The following BSN variants were observed in gnomAD, a reference collection of about 807,000 sequenced individuals.
BSN encodes the protein bassoon presynaptic cytomatrix protein.
BSN carries 57 observed loss-of-function variants against 264.8 expected under a neutral mutation model. The observed-to-expected ratio is 0.22, with a 90% CI of 0.17 to 0.27. BSN has a LOEUF of 0.27. Among genes scored for constraint, BSN ranks in the 10% least tolerant of loss-of-function variants. BSN has a pLI of 1.00. For synonymous variants in BSN, 2,059 were observed against 2,137.3 expected (o/e 0.96, Z 1.01); for missense variants, 4,615 against 5,232.5 (o/e 0.88, Z 3.64).
chr3:49,653,668 G>T lies in BSN; in HGVS notation c.4112G>T (p.Gly1371Val). The change falls in exon 5 of 12, where the codon GGC becomes GTC. Residue 1371 changes from glycine (G) to valine (V), a missense_variant. By Grantham distance (109) the Gly-to-Val change is moderately radical. This residue lies in a region of BSN where 3,415 missense variants were observed against 3,866.4 expected (regional missense o/e 0.88). Transcript: ENST00000296452. The surrounding 1 kb of genome is among the most constrained non-coding windows in gnomAD (Gnocchi z 6.3). ...ASPSSASKEI[G>V]MPFSQGPGTP... ...CCCAGCTCAGCCTCCAAGGAGATAGGCATGCCCTTTTCCCAGGGCCCTGGG... is the reference window on the plus strand; with the variant it reads ...CCCAGCTCAGCCTCCAAGGAGATAGTCATGCCCTTTTCCCAGGGCCCTGGG... The T allele has an allele frequency of 6.2e-7, 1 of 1,613,718 alleles. No individual in the cohort carries two copies. The highest frequency in any genetic ancestry group is 8.5e-7 in the Non-Finnish European group (1 of 1,179,914).
chr3:49,652,294 G>A lies in BSN; in HGVS notation c.2738G>A (p.Gly913Asp), dbSNP rs1271160725. Residue 913 changes from glycine (G) to aspartate (D), a missense_variant, in exon 5 of 12, where the codon GGC (glycine) becomes GAC (aspartate). Physicochemically the swap from Gly to Asp is moderately conservative, Grantham distance 94. Coordinates refer to ENST00000296452, the MANE Select transcript of BSN (RefSeq NM_003458.4). ...TGYEELLPEGGSAEATDGSGT... is the reference protein window; with the variant it reads ...TGYEELLPEGDSAEATDGSGT... ...TATGAGGAGCTGCTCCCTGAGGGAG[G>A]CTCAGCAGAGGCTACCGATGGCAGT... The A allele has an allele frequency of 6.3e-7, 1 of 1,596,584 alleles. No homozygotes were observed. Among genetic ancestry groups the A allele is most frequent in the Non-Finnish European group, 8.5e-7 (1 of 1,170,534 alleles).
At chr3:49,573,674 T>TTTA (rs2051815955) in intron 1 of BSN, among the ~76,000 whole-genome samples, 1 of 151,384 alleles carries the variant, frequency 6.6e-6, no homozygotes, top group African/African-American at 2.4e-5. Flanking sequence ...TTTTTTTTTT[T>TTTA]GAGACGGAGT....
chr3:49,560,271 T>C (rs1351030872), intron 1 of BSN, among the ~76,000 whole-genome samples: 1 of 152,228 alleles, frequency 6.6e-6, no homozygotes, highest in Non-Finnish European at 1.5e-5. Flanking sequence ...GTGGGCTATG[T>C]GAGGGGAACC....
At chr3:49,567,567 A>G (rs2051762004) in intron 1 of BSN, among the ~76,000 whole-genome samples, 1 of 152,220 alleles carries the variant, frequency 6.6e-6, no homozygotes, top group Non-Finnish European at 1.5e-5. Context: ...TACGGAGATG[A>G]GAGACACACA....
chr3:49,650,531 C>T (rs1001017006), intron 3 of BSN, 81 bp from the exon 4 acceptor site: 48 of 1,346,484 alleles, frequency 3.6e-5, no homozygotes, highest in Non-Finnish European at 4.9e-5. Flanking sequence ...CCTAAGGTTA[C>T]AGAAATAGTT....
rs35003449 is a variant in BSN at position 49,609,089 on chromosome 3, C to CT, written c.225-15863dup. On this transcript the variant is annotated intron_variant, in intron 1 of 11. Coordinates refer to ENST00000296452, the MANE Select transcript of BSN (RefSeq NM_003458.4). ...AACCAGGTTTTGAAGGTTAAATTGA[C>CT]TTTTTTTTTTTTTTTTTTTTTTTGA... 7.0e-3 allele frequency among the ~76,000 whole-genome samples: 620 copies of CT among 88,960 alleles called. 3 individuals are homozygous for CT. The highest frequency in any genetic ancestry group is 0.013 in the African/African-American group (302 of 23,502). 58.4% of individuals were successfully genotyped at this position (88,960 alleles called of 152,430 possible).
chr3:49,656,081 A>C lies in BSN; in HGVS notation c.6525A>C (p.Thr2175=). 1.2e-6 allele frequency: 2 copies of C among 1,611,356 alleles called. No homozygotes were observed. The change falls in exon 5 of 12, where the codon ACA becomes ACC. Residue 2175 remains threonine, a synonymous_variant. Coordinates refer to ENST00000296452, the MANE Select transcript of BSN (RefSeq NM_003458.4). ...ATGGGCCTGCAGCAGGCCAAGGAAC[A>C]GCAGTCAGACAGCTGCTGCCGTCCA... ...AQYGPAAGQG[T]AVRQLLPSTA...
intron 3 of BSN, 132 bp downstream of exon 3, chr3:49,643,284 C>A: frequency 7.1e-7 from 1 of 1,415,616 alleles, no homozygotes; most frequent in Non-Finnish European, 9.3e-7. Flanking sequence ...ACTAATGCTG[C>A]AGAGGGGCTG....
chr3:49,640,670 T>A (rs942252723), intron 2 of BSN: 1 of 152,072 alleles, frequency 6.6e-6, no homozygotes. Flanking sequence ...GGCCAATTCT[T>A]ACTATTTTCA....
intron 1 of BSN, among the ~76,000 whole-genome samples, chr3:49,596,607 G>A (rs1034262522): frequency 2.3e-4 from 35 of 151,922 alleles, no homozygotes; most frequent in African/African-American, 8.2e-4. Flanking sequence ...CTCCTGCCTC[G>A]GCCTCCCAAA....
At chr3:49,561,524 G>C (rs2051711517) in intron 1 of BSN, among the ~76,000 whole-genome samples, 1 of 151,686 alleles carries the variant, frequency 6.6e-6, no homozygotes, top group African/African-American at 2.4e-5. Flanking sequence ...AGGTAACAAG[G>C]GTCACTCCCA....
At chr3:49,664,697 T>A in intron 9 of BSN, 102 bp from the exon 10 acceptor site, 1 of 1,565,270 alleles carries the variant, frequency 6.4e-7, no homozygotes, top group Non-Finnish European at 8.7e-7. Flanking sequence ...CCGGGCAATC[T>A]CTGCCCCTTG....
chr3:49,568,671 TCA>T (rs1170457170), intron 1 of BSN, among the ~76,000 whole-genome samples: 1 of 152,240 alleles, frequency 6.6e-6, no homozygotes, highest in African/African-American at 2.4e-5. Context: ...GCACTGTGCC[TCA>T]CCATGTGGAT....
In BSN at chr3:49,652,589, C is replaced by A; in HGVS notation, c.3033C>A (p.Ser1011Arg). The change falls in exon 5 of 12, where the codon AGC becomes AGA. Residue 1011 changes from serine (S) to arginine (R), a missense_variant. Physicochemically the swap from Ser to Arg is moderately radical, Grantham distance 110. Coordinates refer to ENST00000296452, the MANE Select transcript of BSN (RefSeq NM_003458.4). ...AGGAGGACAGTGACAGCAGCCCCAG[C>A]CGCAGGCAGCGTCTAGAAGAAGCAA... ...SLEEDSDSSP[S>R]RRQRLEEAKQ... 1.9e-6 allele frequency: 3 copies of A among 1,613,520 alleles called. No homozygotes were observed. Among genetic ancestry groups the A allele is most frequent in the Non-Finnish European group, 2.5e-6 (3 of 1,179,958 alleles).
chr3:49,562,816 G>A (rs73831440), intron 1 of BSN, among the ~76,000 whole-genome samples: 3,618 of 152,310 alleles, frequency 0.024, 154 homozygotes, highest in African/African-American at 0.083. Flanking sequence ...AGGGTAGGAT[G>A]ATGTGGAGGA....
intron 1 of BSN, among the ~76,000 whole-genome samples, chr3:49,593,503 A>G (rs1265998160): frequency 6.6e-6 from 1 of 152,210 alleles, no homozygotes; most frequent in African/African-American, 2.4e-5. Context: ...TGTGCCATTT[A>G]TATTTCCACC....
chr3:49,665,017 A>G (rs1485425236), intron 10 of BSN, among the ~76,000 whole-genome samples, 164 bp downstream of exon 10: 2 of 152,142 alleles, frequency 1.3e-5, no homozygotes, highest in African/African-American at 4.8e-5. Context: ...TGGGAGGAGA[A>G]AAAGGAGGGA....
Position 49,663,099 on chromosome 3 carries a change from C to T in BSN, c.10941C>T (p.His3647=), listed in dbSNP as rs150688145. The change falls in exon 7 of 12, where the codon CAC becomes CAT. Residue 3647 remains histidine (H), a synonymous_variant. Coordinates refer to ENST00000296452, the MANE Select transcript of BSN (RefSeq NM_003458.4). ...ATGCCTCAGCCAAGGAACACCGGCA[C>T]GGTGACCACGGGCGGCACTCAGGCC... is the stretch of plus-strand genomic sequence containing the variant. ...GRHASAKEHR[H]GDHGRHSGRH... 1.4e-4 allele frequency: 227 copies of T among 1,611,702 alleles called. No individual in the cohort carries two copies. The highest frequency in any genetic ancestry group is 1.7e-4 in the Non-Finnish European group (204 of 1,179,634).
rs181823096 is a variant in BSN, at chr3:49,614,128, C to T, written c.225-10847C>T. Among the ~76,000 whole-genome samples, 1,357 of 140,526 alleles carry T rather than the reference C, an allele frequency of 9.7e-3. 19 individuals carry two copies. The highest frequency in any genetic ancestry group is 0.034 in the African/African-American group (1,290 of 37,924). The allele number at this position is 140,526 out of a possible 152,430, so 92.2% of individuals were successfully genotyped here. ...AGGCCAGAGTGCAGTGGCTTGATCT[C>T]GGCTCACTGCAAGCTCTGCCTCCCA... On this transcript the variant is annotated intron_variant, in intron 1 of 11. Coordinates refer to ENST00000296452, the MANE Select transcript of BSN (RefSeq NM_003458.4).
Sources: allele counts gnomAD v4.1 joint callset (sites outside exome capture counted in the v4.1 genomes callset), GRCh38; gene constraint gnomAD v4.1.1; regional missense constraint gnomAD v4.1.1; non-coding constraint Gnocchi (gnomAD v3.1); transcripts MANE v1.5; gene names NCBI Gene and HGNC (gene_info 2026-07-23, HGNC 2026-07-21).